Variants in CNTNAP5 observed in about 807,000 individuals in gnomAD.
The protein encoded by CNTNAP5 is contactin-associated protein-like 5.
In CNTNAP5, 72 loss-of-function variants were observed where a neutral mutation model predicts 150.2. The observed-to-expected ratio is 0.48, with a 90% CI of 0.40 to 0.58. The LOEUF is 0.58. CNTNAP5 is among the 20% of genes least tolerant of loss of function. CNTNAP5 has a pLI of 0.00. For missense variants in CNTNAP5, 1,636 were observed against 1,626.2 expected, an observed-to-expected ratio of 1.01 and a Z score of -0.10; for synonymous variants, 672 against 619.8, an observed-to-expected ratio of 1.08 and a Z score of -1.25.
chr2:124,193,077 T>C (rs1382855244), intron 1 of CNTNAP5, among the ~76,000 whole-genome samples: 4 of 152,202 alleles, frequency 2.6e-5, no homozygotes, highest in African/African-American at 9.6e-5. Context: ...TGTGTGTCTC[T>C]GGGTCATCAC....
rs1233139334 is a variant in CNTNAP5 at position 124,647,836 on chromosome 2, A to G, written c.1955A>G (p.Tyr652Cys). ...CGGGGCGCTAACCCTGAGAAGCCCT[A>G]TGCCATGGCCTTGGACTACGGGGGC... ...RVRGANPEKP[Y>C]AMALDYGGSM... The change falls in exon 13 of 24, where the codon TAT (tyrosine) becomes TGT (cysteine). Residue 652 changes from tyrosine (Y) to cysteine (C), a missense_variant. Physicochemically the swap from Tyr to Cys is radical, Grantham distance 194 (BLOSUM62 -2). Coordinates refer to ENST00000682447, the MANE Select transcript of CNTNAP5 (RefSeq NM_001367498.1). The G allele has an allele frequency of 6.2e-7, 1 of 1,613,570 alleles. No homozygotes were observed. Among genetic ancestry groups the G allele is most frequent in the Non-Finnish European group, 8.5e-7 (1 of 1,179,730 alleles).
At chr2:124,503,928 C>T (rs958842049) in intron 7 of CNTNAP5, among the ~76,000 whole-genome samples, 1 of 152,164 alleles carries the variant, frequency 6.6e-6, no homozygotes, top group African/African-American at 2.4e-5. Flanking sequence ...AGTATCTATC[C>T]CTTTTTTAGC....
At chr2:124,258,796 A>G (rs1044784966) in intron 3 of CNTNAP5, among the ~76,000 whole-genome samples, 1 of 152,196 alleles carries the variant, frequency 6.6e-6, no homozygotes, top group Non-Finnish European at 1.5e-5. Flanking sequence ...ACATGTATGC[A>G]TCATTGGACC....
chr2:124,142,010 C>G (rs1187675773), intron 1 of CNTNAP5, among the ~76,000 whole-genome samples: 1 of 146,862 alleles, frequency 6.8e-6, no homozygotes, highest in African/African-American at 2.6e-5. Context: ...ATAAAATAGA[C>G]TTTAAACCAA....
At chr2:124,659,712 C>G (rs1352595134) in intron 13 of CNTNAP5, among the ~76,000 whole-genome samples, 2 of 109,468 alleles carry the variant, frequency 1.8e-5, no homozygotes, top group East Asian at 5.3e-4. Context: ...ATTTAAGGAG[C>G]CTATCCCCCT....
intron 1 of CNTNAP5, among the ~76,000 whole-genome samples, chr2:124,170,956 C>T (rs1032620885): frequency 1.3e-5 from 2 of 152,176 alleles, no homozygotes; most frequent in African/African-American, 4.8e-5. Flanking sequence ...GCTCTTGTGG[C>T]TGTGTTCTGA....
chr2:124,660,118 T>C (rs187469429), intron 13 of CNTNAP5, among the ~76,000 whole-genome samples: 74 of 152,202 alleles, frequency 4.9e-4, no homozygotes, highest in African/African-American at 1.8e-3. Flanking sequence ...GATCTTTCTA[T>C]GTTTCAGATA....
Position 124,221,803 on chromosome 2 carries a change from A to G in CNTNAP5, c.181A>G (p.Arg61Gly). ...TCACAGCCCAGCTCAACTCAACTGG[A>G]GAGTTGGTAAGTAGGCTGACTGAAA... ...GTHSPAQLNW[R>G]VGTGGWSPAD... The change falls in exon 2 of 24, where the codon AGA becomes GGA. Residue 61 changes from arginine to glycine, a missense_variant. Transcript: ENST00000682447. 6.3e-7 allele frequency: 1 copy of G among 1,597,360 alleles called. No individual in the cohort carries two copies. Among genetic ancestry groups the G allele is most frequent in the Non-Finnish European group, 8.6e-7 (1 of 1,168,046 alleles).
chr2:124,895,931 AT>A (rs1215126680), intron 21 of CNTNAP5, among the ~76,000 whole-genome samples: 1 of 151,556 alleles, frequency 6.6e-6, no homozygotes, highest in African/African-American at 2.4e-5. Flanking sequence ...GGGAAGGCCA[AT>A]GGGCACTGTG....
chr2:124,822,999 T>C (rs780285579), intron 19 of CNTNAP5, among the ~76,000 whole-genome samples: 5 of 152,218 alleles, frequency 3.3e-5, no homozygotes, highest in Non-Finnish European at 7.3e-5. Context: ...GGCATGTTTC[T>C]TGTCTTCAAC....
intron 3 of CNTNAP5, among the ~76,000 whole-genome samples, chr2:124,415,036 G>A (rs536590745): frequency 2.6e-5 from 4 of 152,240 alleles, no homozygotes; most frequent in South Asian, 2.1e-4. Flanking sequence ...TGGTATGGAC[G>A]CAAGGACATT....
At chr2:124,599,276 TACC>T (rs1449863285) in intron 11 of CNTNAP5, among the ~76,000 whole-genome samples, 1 of 152,192 alleles carries the variant, frequency 6.6e-6, no homozygotes, top group Admixed American at 6.5e-5. Flanking sequence ...ATTATCTCAA[TACC>T]ACATGTAATT....
chr2:124,254,692 T>C (rs2104784142), intron 3 of CNTNAP5, among the ~76,000 whole-genome samples: 1 of 152,304 alleles, frequency 6.6e-6, no homozygotes. Flanking sequence ...TGGTTGATGA[T>C]GGGATGCTGT....
At chr2:124,682,739 A>C (rs1441708538) in intron 13 of CNTNAP5, among the ~76,000 whole-genome samples, 2 of 152,204 alleles carry the variant, frequency 1.3e-5, no homozygotes, top group Non-Finnish European at 2.9e-5. Flanking sequence ...AGAATCTACC[A>C]GGTTCCTCAA....
At chr2:124,072,691 C>A (rs1453194438) in intron 1 of CNTNAP5, among the ~76,000 whole-genome samples, 1 of 151,562 alleles carries the variant, frequency 6.6e-6, no homozygotes, top group African/African-American at 2.4e-5. Context: ...ATGAATATTA[C>A]AAAATATTGA....
chr2:124,558,036 T>G (rs572596671), intron 10 of CNTNAP5, among the ~76,000 whole-genome samples: 1 of 152,124 alleles, frequency 6.6e-6, no homozygotes, highest in East Asian at 1.9e-4. Context: ...TTACCCTAGA[T>G]AAAATAGGGA....
chr2:124,805,347 A>T (rs983864490), intron 19 of CNTNAP5, among the ~76,000 whole-genome samples: 1 of 152,142 alleles, frequency 6.6e-6, no homozygotes, highest in Non-Finnish European at 1.5e-5. Context: ...AGCTATAATA[A>T]CTAAGAAACA....
intron 13 of CNTNAP5, among the ~76,000 whole-genome samples, chr2:124,717,164 A>C (rs1679961477): frequency 6.6e-6 from 1 of 152,308 alleles, no homozygotes; most frequent in South Asian, 2.1e-4. Flanking sequence ...TAAAATTGTT[A>C]GAATTGAATT....
intron 1 of CNTNAP5, among the ~76,000 whole-genome samples, chr2:124,138,473 T>C (rs1184815110): frequency 6.6e-6 from 1 of 152,194 alleles, no homozygotes; most frequent in Non-Finnish European, 1.5e-5. Flanking sequence ...TATTAAGAGA[T>C]GGACTTTCAG....
Sources: gnomAD v4.1 joint callset for allele counts (sites outside exome capture counted in the v4.1 genomes callset) on GRCh38, gnomAD v4.1.1 for gene constraint, MANE v1.5 for transcripts, NCBI Gene and HGNC (gene_info 2026-07-23, HGNC 2026-07-21) for gene names.